PCDHA2: variants seen among roughly 807,000 people sequenced by gnomAD.
The protein encoded by PCDHA2 is protocadherin alpha-2.
A neutral mutation model predicts 66.0 loss-of-function variants in PCDHA2; 58 were observed. That is an observed-to-expected ratio of 0.88 (90% CI 0.71 to 1.09). PCDHA2 has a LOEUF of 1.09. Ranked by LOEUF, PCDHA2 falls within the 50% of genes least tolerant of loss-of-function variation. The pLI is 0.00. For missense variants in PCDHA2, 1,267 were observed against 1,242.3 expected (o/e 1.02, Z -0.30); for synonymous variants, 634 against 554.0 (o/e 1.14, Z -2.03).
intron 1 of PCDHA2, among the ~76,000 whole-genome samples, chr5:140,974,516 T>G (rs533322332): frequency 2.0e-5 from 3 of 152,328 alleles, no homozygotes; most frequent in African/African-American, 7.2e-5. Context: ...TTTTATTTTA[T>G]TTTAGTTTTT....
At chr5:140,830,288 A>T in intron 1 of PCDHA2, 1 of 1,613,814 alleles carries the variant, frequency 6.2e-7, no homozygotes, top group Non-Finnish European at 8.5e-7. Flanking sequence ...GGGCGCGTGC[A>T]CGGCGGACAA....
intron 1 of PCDHA2, chr5:140,808,051 T>A: frequency 6.2e-7 from 1 of 1,614,058 alleles, no homozygotes; most frequent in Middle Eastern, 1.6e-4. Context: ...TTTCGCCAAA[T>A]GTGAAATCCA....
chr5:140,982,615 A>G, intron 3 of PCDHA2, 52 bp downstream of exon 3: 1 of 1,596,392 alleles, frequency 6.3e-7, no homozygotes, highest in Non-Finnish European at 8.6e-7. Context: ...AAGTGATCAG[A>G]TGACCTACTT....
chr5:140,801,182 T>C (rs782209906), intron 1 of PCDHA2: 4 of 1,573,304 alleles, frequency 2.5e-6, no homozygotes, highest in Non-Finnish European at 3.4e-6. Flanking sequence ...AATCTAATAT[T>C]TGGAAAATAC....
At position 140,929,035 on chromosome 5, in the gene PCDHA2, G is replaced by T. The variant is rs6877058; in HGVS notation, c.2389-49914G>T. 2.5e-3 allele frequency: 4,027 copies of T among 1,614,128 alleles called. 64 individuals are homozygous for T. In the African/African-American group the frequency reaches 0.039, roughly 15 times the overall value. On this transcript the variant is annotated intron_variant, in intron 1 of 3. Coordinates refer to ENST00000526136, the MANE Select transcript of PCDHA2 (RefSeq NM_018905.3). The stretch of plus-strand genomic sequence containing the variant: ...GTTGCACCAGAGCCCAGGCTGTTGC[G>T]CTCAGAGCTGCTGTCGCTCTACAGA...
chr5:140,856,672 G>A (rs1356609367), intron 1 of PCDHA2: 2 of 1,597,818 alleles, frequency 1.3e-6, no homozygotes, highest in East Asian at 4.5e-5. Flanking sequence ...CTCAGCTAAA[G>A]TTGTTGTTGA....
intron 1 of PCDHA2, chr5:140,811,993 T>A (rs1188366962): frequency 8.9e-6 from 1 of 112,226 alleles, no homozygotes; most frequent in Non-Finnish European, 1.8e-5. Context: ...GATTTATTTT[T>A]TACTACCATT....
At chr5:140,882,755 G>A in intron 1 of PCDHA2, 2 of 1,614,230 alleles carry the variant, frequency 1.2e-6, no homozygotes, top group Non-Finnish European at 1.7e-6. Context: ...TGCAGATATT[G>A]GAGTAAACTC....
At chr5:140,916,592 G>A (rs1554197534) in intron 1 of PCDHA2, among the ~76,000 whole-genome samples, 2 of 152,164 alleles carry the variant, frequency 1.3e-5, no homozygotes, top group Non-Finnish European at 2.9e-5. Flanking sequence ...ATGAGCTAGG[G>A]CCTGGAATGC....
intron 1 of PCDHA2, among the ~76,000 whole-genome samples, chr5:140,951,383 G>A (rs782698893): frequency 1.2e-4 from 19 of 152,064 alleles, no homozygotes; most frequent in Non-Finnish European, 2.6e-4. Flanking sequence ...CCAAGACTCG[G>A]TAATTTATAA....
At chr5:140,992,637 G>A (rs31872) in intron 3 of PCDHA2, among the ~76,000 whole-genome samples, 103,738 of 151,942 alleles carry the variant, frequency 0.68, 36,576 homozygotes, top group African/African-American at 0.86. Flanking sequence ...AACTTCCCTG[G>A]AAAATAGAAG....
intron 1 of PCDHA2, chr5:140,847,464 C>A (rs2150400845): frequency 6.7e-6 from 1 of 149,754 alleles, no homozygotes; most frequent in Non-Finnish European, 1.5e-5. Context: ...AATTAATCGA[C>A]TTGGACGTTG....
intron 1 of PCDHA2, chr5:140,867,274 C>T (rs2049858759): frequency 6.6e-6 from 1 of 151,960 alleles, no homozygotes; most frequent in Non-Finnish European, 1.5e-5. Flanking sequence ...CAAAATAAAC[C>T]TGATGTGCTT....
At chr5:140,871,532 T>G in intron 1 of PCDHA2, 1 of 1,515,318 alleles carries the variant, frequency 6.6e-7, no homozygotes, top group Non-Finnish European at 8.8e-7. Flanking sequence ...AGGAAGTGTA[T>G]GTGAAATTAT....
chr5:140,857,555 C>G, intron 1 of PCDHA2: 1 of 1,597,062 alleles, frequency 6.3e-7, no homozygotes, highest in East Asian at 2.2e-5. Flanking sequence ...CGAGCGCTCG[C>G]TGTCGAGCTA....
In PCDHA2 at chr5:140,856,189, C is replaced by A. The variant is rs1399826536; in HGVS notation, c.2388+58837C>A. On this transcript the variant is annotated intron_variant, in intron 1 of 3. Transcript: ENST00000526136. ...GACACGGCACCTTCGTGGGCCGCAT[C>A]GCGCAGGACCTGGGGCTGGAGCTGG... 11 of 1,598,094 alleles carry A rather than the reference C, an allele frequency of 6.9e-6. 1 individual carries two copies. In the African/African-American group the frequency reaches 1.5e-4, roughly 22 times the overall value.
intron 1 of PCDHA2, among the ~76,000 whole-genome samples, chr5:140,951,140 C>G (rs1322025119): frequency 9.9e-6 from 1 of 100,842 alleles, no homozygotes; most frequent in Non-Finnish European, 2.0e-5. Context: ...TTTCCTTTAT[C>G]TTATTGAATA....
intron 1 of PCDHA2, chr5:140,828,262 G>T (rs782427409): frequency 2.5e-6 from 4 of 1,613,900 alleles, no homozygotes; most frequent in Non-Finnish European, 3.4e-6. Context: ...TGGAGCTGGC[G>T]GAGCTGGTGC....
At chr5:140,916,363 T>C (rs2077541371) in intron 1 of PCDHA2, among the ~76,000 whole-genome samples, 2 of 152,124 alleles carry the variant, frequency 1.3e-5, no homozygotes, top group African/African-American at 4.8e-5. Context: ...GAAGGAGTCT[T>C]TCACTGTAGC....
Sources: gnomAD v4.1 joint callset for allele counts (sites outside exome capture counted in the v4.1 genomes callset) on GRCh38, gnomAD v4.1.1 for gene constraint, MANE v1.5 for transcripts, NCBI Gene and HGNC (gene_info 2026-07-23, HGNC 2026-07-21) for gene names.